The following PDE4D variants were observed in gnomAD, a reference collection of about 807,000 sequenced individuals.
PDE4D encodes the protein phosphodiesterase 4D, also known as 3',5'-cyclic-AMP phosphodiesterase 4D.
A neutral mutation model predicts 87.4 loss-of-function variants in PDE4D; 24 were observed. The observed-to-expected ratio is 0.27, with a 90% confidence interval of 0.20 to 0.39. PDE4D has a LOEUF of 0.39. PDE4D is among the 10% of genes least tolerant of loss of function. The pLI, the probability that PDE4D is intolerant of heterozygous loss-of-function variation, is 1.00. For synonymous variants in PDE4D, 384 were observed against 383.2 expected (o/e 1.00, Z -0.02); for missense variants, 714 against 1,041.0 (o/e 0.69, Z 4.32).
intron 1 of PDE4D, among the ~76,000 whole-genome samples, chr5:59,435,655 G>T (rs1796703293): frequency 6.6e-6 from 1 of 152,096 alleles, no homozygotes; most frequent in African/African-American, 2.4e-5. Context: ...CTTGAGGGCA[G>T]GAATTCTGCC....
intron 1 of PDE4D, among the ~76,000 whole-genome samples, chr5:59,575,640 A>G (rs1035856495): frequency 3.9e-5 from 6 of 152,170 alleles, no homozygotes; most frequent in African/African-American, 1.4e-4. Flanking sequence ...CTATCCCCCC[A>G]AAAACATGGG....
chr5:59,166,259 A>G (rs754449322), intron 5 of PDE4D: 1 of 152,170 alleles, frequency 6.6e-6, no homozygotes, highest in South Asian at 2.1e-4. Flanking sequence ...TAATAGACTC[A>G]CTGAGAAATA....
At chr5:59,553,650 T>C (rs574234431) in intron 1 of PDE4D, among the ~76,000 whole-genome samples, 67 of 152,306 alleles carry the variant, frequency 4.4e-4, no homozygotes, top group African/African-American at 1.4e-3. Context: ...TTTCATATTA[T>C]ATAACATTCT....
At chr5:59,281,790 T>G (rs1391669146) in intron 1 of PDE4D, among the ~76,000 whole-genome samples, 5 of 152,128 alleles carry the variant, frequency 3.3e-5, no homozygotes, top group African/African-American at 1.2e-4. Context: ...ACTCTAGATA[T>G]CTTATATAGG....
At chr5:59,963,087 A>G (rs558101407) in intron 3 of PDE4D, among the ~76,000 whole-genome samples, 1 of 152,286 alleles carries the variant, frequency 6.6e-6, no homozygotes, top group South Asian at 2.1e-4. Context: ...CCAATGACAG[A>G]GCAAAAGCAT....
intron 1 of PDE4D, among the ~76,000 whole-genome samples, chr5:59,541,550 T>C (rs980069107): frequency 6.6e-6 from 1 of 152,224 alleles, no homozygotes; most frequent in East Asian, 1.9e-4. Context: ...CAGTTTATAA[T>C]ATGGGAAGGA....
chr5:59,649,645 A>C (rs1351052165), intron 1 of PDE4D, among the ~76,000 whole-genome samples: 2 of 151,802 alleles, frequency 1.3e-5, no homozygotes, highest in Non-Finnish European at 2.9e-5. Flanking sequence ...CCGAAACAGG[A>C]ATAGTACCTT....
At chr5:60,036,824 AG>A (rs1767863340) in intron 2 of PDE4D, among the ~76,000 whole-genome samples, 1 of 152,336 alleles carries the variant, frequency 6.6e-6, no homozygotes, top group African/African-American at 2.4e-5. Flanking sequence ...TGGACACTTC[AG>A]GGTCCATTGG....
chr5:59,109,213 T>C (rs1772194940), intron 5 of PDE4D, among the ~76,000 whole-genome samples: 1 of 152,044 alleles, frequency 6.6e-6, no homozygotes, highest in Non-Finnish European at 1.5e-5. Context: ...AAAAATTCGT[T>C]AAATCCTGTA....
At chr5:59,873,339 T>A (rs1244827699) in intron 1 of PDE4D, among the ~76,000 whole-genome samples, 4 of 152,190 alleles carry the variant, frequency 2.6e-5, no homozygotes, top group Non-Finnish European at 5.9e-5. Flanking sequence ...CAGCCTTTTT[T>A]AAGGCCACAC....
chr5:59,925,012 A>G (rs866095776), intron 3 of PDE4D, among the ~76,000 whole-genome samples: 2 of 151,784 alleles, frequency 1.3e-5, no homozygotes, highest in Non-Finnish European at 2.9e-5. Context: ...CGTCTCTACT[A>G]AAAATACAAA....
chr5:58,972,692 T>C lies in PDE4D; in HGVS notation c.*1972A>G, dbSNP rs541514148. On this transcript the variant is annotated 3_prime_UTR_variant, in exon 15 of 15. Transcript: ENST00000340635. ...GATTATTTGGGCTTTAAAGTCTTCA[T>C]AGAGAAGGTAAAGAAGACTTTATTA... 2 of 152,302 alleles carry C rather than the reference T, an allele frequency of 1.3e-5. No homozygotes were observed. The highest frequency in any genetic ancestry group is 2.1e-4 in the South Asian group (1 of 4,822). 9.4% of individuals were successfully genotyped at this position (152,302 alleles called of 1,614,324 possible).
rs1791093134 is a variant in PDE4D at position 59,403,657 on chromosome 5, G to A, written c.456-187689C>T. Among the ~76,000 whole-genome samples the A allele has an allele frequency of 5.3e-5, 8 of 152,050 alleles. 1 individual carries two copies. Among genetic ancestry groups the A allele is most frequent in the Admixed American group, 3.9e-4 (6 of 15,258 alleles). On this transcript the variant is annotated intron_variant, in intron 1 of 14. Coordinates refer to ENST00000340635, the MANE Select transcript of PDE4D (RefSeq NM_001104631.2). ...CAGGATCTCATTTCTTTCTATGGCC[G>A]AACAGTACTCCATTGTGTATATGTA...
In PDE4D at chr5:59,398,162, C is replaced by A. The variant is rs1236601533; in HGVS notation, c.456-182194G>T. Among the ~76,000 whole-genome samples the A allele has an allele frequency of 6.9e-5, 10 of 144,198 alleles. No individual in the cohort carries two copies. In the East Asian group the frequency reaches 1.9e-3, roughly 27 times the overall value. The allele number at this position is 144,198 out of a possible 152,430, so 94.6% of individuals were successfully genotyped here. On this transcript the variant is annotated intron_variant, in intron 1 of 14. Coordinates refer to ENST00000340635, the MANE Select transcript of PDE4D (RefSeq NM_001104631.2). The stretch of plus-strand genomic sequence containing the variant: ...ATTCTACCAGAGGTACAAGGAGGAA[C>A]TGGTACCATTCCTTCTGAAACTATT...
chr5:59,218,470 T>C (rs1423564834), intron 1 of PDE4D, among the ~76,000 whole-genome samples: 1 of 152,148 alleles, frequency 6.6e-6, no homozygotes, highest in African/African-American at 2.4e-5. Context: ...ATAGTTATGA[T>C]ATTTTTAAAT....
intron 1 of PDE4D, among the ~76,000 whole-genome samples, chr5:60,457,489 T>C (rs146024344): frequency 1.3e-5 from 2 of 152,346 alleles, no homozygotes; most frequent in Non-Finnish European, 2.9e-5. Context: ...GTTCCCTGCA[T>C]GTCCATGTGC....
At chr5:59,292,528 C>A (rs1219436641) in intron 1 of PDE4D, among the ~76,000 whole-genome samples, 1 of 152,080 alleles carries the variant, frequency 6.6e-6, no homozygotes. Flanking sequence ...ACTCATTTAA[C>A]CAATGACTGG....
intron 1 of PDE4D, among the ~76,000 whole-genome samples, chr5:60,500,993 T>C (rs536980237): frequency 8.7e-4 from 133 of 152,220 alleles, no homozygotes; most frequent in African/African-American, 3.1e-3. Flanking sequence ...TCTTTTTTTT[T>C]TTAATTTAAT....
At chr5:60,312,979 A>G (rs751950513) in intron 1 of PDE4D, among the ~76,000 whole-genome samples, 8 of 152,202 alleles carry the variant, frequency 5.3e-5, no homozygotes, top group Admixed American at 5.2e-4. Flanking sequence ...AAAAGTTAGG[A>G]AGATTTTAAT....
Sources: gnomAD v4.1 joint callset for allele counts (sites outside exome capture counted in the v4.1 genomes callset) on GRCh38, gnomAD v4.1.1 for gene constraint, MANE v1.5 for transcripts, NCBI Gene and HGNC (gene_info 2026-07-23, HGNC 2026-07-21) for gene names.